FOXP1: variants seen among roughly 807,000 people sequenced by gnomAD.
FOXP1 encodes the protein forkhead box P1.
In FOXP1, 15 loss-of-function variants were observed where a neutral mutation model predicts 98.2. The ratio of observed to expected loss-of-function variants is 0.15; its 90% CI spans 0.10 to 0.24. The LOEUF is 0.24. FOXP1 is among the 10% of genes least tolerant of loss of function. The probability of loss-of-function intolerance (pLI) is 1.00; values close to 1 mark genes in which losing one functional copy is unlikely to be tolerated. For missense variants in FOXP1, 633 were observed against 848.5 expected (o/e 0.75, Z 3.15); for synonymous variants, 371 against 314.5 (o/e 1.18, Z -1.90).
At chr3:71,062,222 G>A (rs968812175) in intron 7 of FOXP1, among the ~76,000 whole-genome samples, 3 of 152,132 alleles carry the variant, frequency 2.0e-5, no homozygotes, top group East Asian at 1.9e-4. Context: ...GCAGGGTTAC[G>A]CAACACTGCA....
intron 4 of FOXP1, among the ~76,000 whole-genome samples, chr3:71,356,810 A>G (rs2078192924): frequency 6.6e-6 from 1 of 152,168 alleles, no homozygotes; most frequent in Non-Finnish European, 1.5e-5. Context: ...CTGCGAATGC[A>G]TCCATTACCC....
intron 3 of FOXP1, among the ~76,000 whole-genome samples, chr3:71,393,413 A>G (rs2081173333): frequency 6.6e-6 from 1 of 152,166 alleles, no homozygotes; most frequent in Non-Finnish European, 1.5e-5. Context: ...ATAATAAAAA[A>G]AAAACTCATA....
chr3:71,566,337 A>G (rs2046911397), intron 2 of FOXP1, among the ~76,000 whole-genome samples: 1 of 152,216 alleles, frequency 6.6e-6, no homozygotes. Flanking sequence ...ACTGGTTTGC[A>G]AATGGTGAGC....
At chr3:71,121,315 C>T (rs192697722) in intron 6 of FOXP1, among the ~76,000 whole-genome samples, 22 of 148,988 alleles carry the variant, frequency 1.5e-4, no homozygotes, top group Admixed American at 8.8e-4. Flanking sequence ...TTGAAAGGCA[C>T]GTACAGGATA....
intron 7 of FOXP1, among the ~76,000 whole-genome samples, chr3:71,082,514 TACCTAATGTAGATG>T (rs1163528218): frequency 6.6e-6 from 1 of 151,266 alleles, no homozygotes; most frequent in Non-Finnish European, 1.5e-5. Flanking sequence ...TTAGGAGAAA[TACCTAATGTAGATG>T]ACGGGTTGAT....
chr3:71,049,057 C>A (rs754931705), intron 9 of FOXP1, among the ~76,000 whole-genome samples: 1 of 152,152 alleles, frequency 6.6e-6, no homozygotes, highest in Non-Finnish European at 1.5e-5. Context: ...AGTTACCAAA[C>A]ACAGGATACG....
chr3:71,152,853 C>T (rs556219063), intron 6 of FOXP1, among the ~76,000 whole-genome samples: 1 of 152,294 alleles, frequency 6.6e-6, no homozygotes, highest in African/African-American at 2.4e-5. Context: ...CCTCAGTTTA[C>T]CTATTTCCAA....
At chr3:71,127,730 T>C (rs111988615) in intron 6 of FOXP1, among the ~76,000 whole-genome samples, 10 of 152,320 alleles carry the variant, frequency 6.6e-5, no homozygotes, top group South Asian at 2.1e-4. Flanking sequence ...CAACAGGACA[T>C]TTTCCCACCT....
At chr3:71,256,394 T>C (rs2068625738) in intron 5 of FOXP1, among the ~76,000 whole-genome samples, 1 of 152,010 alleles carries the variant, frequency 6.6e-6, no homozygotes, top group Non-Finnish European at 1.5e-5. Context: ...TTTTCTTTTC[T>C]TTTTTTTGAG....
intron 7 of FOXP1, among the ~76,000 whole-genome samples, chr3:71,104,706 C>T (rs1169204902): frequency 6.6e-6 from 1 of 151,740 alleles, no homozygotes; most frequent in Non-Finnish European, 1.5e-5. Flanking sequence ...GAAACCCATC[C>T]ACAACATTTG....
chr3:71,353,176 C>A (rs1019401406), intron 4 of FOXP1, among the ~76,000 whole-genome samples: 1 of 152,140 alleles, frequency 6.6e-6, no homozygotes, highest in African/African-American at 2.4e-5. Context: ...TGGACTCAGA[C>A]GATGCAGCAA....
intron 6 of FOXP1, among the ~76,000 whole-genome samples, chr3:71,124,655 G>GAA (rs201365799): frequency 1.6e-4 from 23 of 142,026 alleles, no homozygotes; most frequent in Admixed American, 5.5e-4. Flanking sequence ...AAAAAAAAAA[G>GAA]AAAAAAAAAA....
intron 3 of FOXP1, among the ~76,000 whole-genome samples, chr3:71,374,594 C>CAA (rs5850009): frequency 0.028 from 3,734 of 131,136 alleles, 127 homozygotes; most frequent in African/African-American, 0.088. Context: ...GACTCTGTCT[C>CAA]AAAAAAAAAA....
chr3:71,483,957 A>G (rs1176532311), intron 3 of FOXP1, among the ~76,000 whole-genome samples: 1 of 152,224 alleles, frequency 6.6e-6, no homozygotes, highest in Non-Finnish European at 1.5e-5. Flanking sequence ...AACGACTAGA[A>G]GCACAGACAC....
intron 2 of FOXP1, among the ~76,000 whole-genome samples, chr3:71,527,457 T>G (rs1339061917): frequency 6.6e-6 from 1 of 152,178 alleles, no homozygotes; most frequent in African/African-American, 2.4e-5. Flanking sequence ...TGATCACTAC[T>G]TCAATGTCCA....
chr3:71,085,346 C>G (rs1348020641), intron 7 of FOXP1, among the ~76,000 whole-genome samples: 2 of 152,048 alleles, frequency 1.3e-5, no homozygotes, highest in Admixed American at 6.6e-5. Flanking sequence ...GATAGGGTCT[C>G]CCTGTGTTAC....
chr3:71,324,255 T>C (rs889637359), intron 4 of FOXP1, among the ~76,000 whole-genome samples: 2 of 152,150 alleles, frequency 1.3e-5, no homozygotes, highest in Non-Finnish European at 2.9e-5. Context: ...TCCTTTGCAG[T>C]ATTAAAGTAA....
chr3:71,387,573 C>T (rs1330757650), intron 3 of FOXP1, among the ~76,000 whole-genome samples: 1 of 152,198 alleles, frequency 6.6e-6, no homozygotes, highest in Non-Finnish European at 1.5e-5. Context: ...TTAATATTGT[C>T]TGTAATCTGT....
chr3:71,213,878 C>T (rs1349506194), intron 5 of FOXP1, among the ~76,000 whole-genome samples: 1 of 152,130 alleles, frequency 6.6e-6, no homozygotes, highest in African/African-American at 2.4e-5. Context: ...CTTACAAACA[C>T]ATAAAAATGG....
Sources: gnomAD v4.1 joint callset for allele counts (sites outside exome capture counted in the v4.1 genomes callset) on GRCh38, gnomAD v4.1.1 for gene constraint, MANE v1.5 for transcripts, NCBI Gene and HGNC (gene_info 2026-07-23, HGNC 2026-07-21) for gene names.